The following ACER2 variants were observed in gnomAD, a reference collection of about 807,000 sequenced individuals.
The protein encoded by ACER2 is alkaline ceramidase 2.
In ACER2, 26 loss-of-function variants were observed where a neutral mutation model predicts 34.7. That is an observed-to-expected ratio of 0.75 (90% confidence interval 0.55 to 1.04). The LOEUF (loss-of-function observed/expected upper bound fraction) is 1.04. ACER2 is among the 50% of genes least tolerant of loss of function. The pLI is 0.00. For missense variants in ACER2, 352 were observed against 340.8 expected, an observed-to-expected ratio of 1.03 and a Z score of -0.26; for synonymous variants, 138 against 132.1, an observed-to-expected ratio of 1.04 and a Z score of -0.31.
At chr9:19,424,056 C>G in intron 2 of ACER2, 80 bp downstream of exon 2, 1 of 1,202,464 alleles carries the variant, frequency 8.3e-7, no homozygotes, top group Non-Finnish European at 1.2e-6. Context: ...CTTCCTCTCC[C>G]CTTTGAACAT....
chr9:19,423,827 T>C, intron 1 of ACER2, 35 bp from the exon 2 acceptor site: 2 of 1,540,056 alleles, frequency 1.3e-6, no homozygotes, highest in East Asian at 2.2e-5. Flanking sequence ...TTTTACTTAA[T>C]ACTCATCTTT....
intron 3 of ACER2, among the ~76,000 whole-genome samples, chr9:19,425,701 C>T (rs1287821362): frequency 6.6e-6 from 1 of 152,146 alleles, no homozygotes; most frequent in African/African-American, 2.4e-5. Context: ...TTCTGAGGAG[C>T]TGTGTGAGGT....
chr9:19,424,347 T>C (rs1225365418), intron 2 of ACER2: 4 of 982,734 alleles, frequency 4.1e-6, no homozygotes, highest in Non-Finnish European at 4.8e-6. Flanking sequence ...AATACTTGTG[T>C]CATTTCCATT....
intron 5 of ACER2, 53 bp downstream of exon 5, chr9:19,446,471 T>C (rs1217695037): frequency 1.2e-6 from 2 of 1,610,166 alleles, no homozygotes; most frequent in East Asian, 2.2e-5. Context: ...TTGCACTTGC[T>C]GTTGGGCTCT....
rs569351804 is a variant in ACER2, at chr9:19,436,770, A to G, written c.503+1686A>G. On this transcript the variant is annotated intron_variant, in intron 4 of 5. Coordinates refer to ENST00000340967, the MANE Select transcript of ACER2 (RefSeq NM_001010887.3). ...GTTTTTGACCATTTAGGTTGTTTCC[A>G]GTTTTTCATTATTAGAAATATCTCT... 3.3e-5 allele frequency among the ~76,000 whole-genome samples: 5 copies of G among 152,308 alleles called. No homozygotes were observed. In the South Asian group the frequency reaches 1.0e-3, roughly 32 times the overall value.
At position 19,428,078 on chromosome 9, in the gene ACER2, C is replaced by T. The variant is rs1037490266; in HGVS notation, c.365+3237C>T. On this transcript the variant is annotated intron_variant, in intron 3 of 5. Coordinates refer to ENST00000340967, the MANE Select transcript of ACER2 (RefSeq NM_001010887.3). ...CTTTCCTTTCCTTTCCTTTCCTTTCCTTCTCTCTCTCTCTCTCTTTCTTTC... is the reference window on the plus strand; with the variant it reads ...CTTTCCTTTCCTTTCCTTTCCTTTCTTTCTCTCTCTCTCTCTCTTTCTTTC... 3.4e-5 allele frequency among the ~76,000 whole-genome samples: 4 copies of T among 119,232 alleles called. No homozygotes were observed. The East Asian group carries it at 9.2e-4, about 28-fold the overall frequency. 78.2% of individuals were successfully genotyped at this position (119,232 alleles called of 152,430 possible).
chr9:19,433,650 G>A (rs1223670007), intron 3 of ACER2, among the ~76,000 whole-genome samples: 1 of 152,212 alleles, frequency 6.6e-6, no homozygotes, highest in Non-Finnish European at 1.5e-5. Context: ...ATCCTGGCCC[G>A]TTCTCAATGA....
intron 1 of ACER2, 138 bp downstream of exon 1, chr9:19,409,330 CCCT>C: frequency 1.3e-6 from 1 of 741,324 alleles, no homozygotes; most frequent in South Asian, 1.8e-5. Context: ...AGTCCACACC[CCCT>C]CCTCGGCGCG....
At chr9:19,444,738 C>G (rs1831294951) in intron 4 of ACER2, among the ~76,000 whole-genome samples, 1 of 152,126 alleles carries the variant, frequency 6.6e-6, no homozygotes, top group Non-Finnish European at 1.5e-5. Flanking sequence ...AGGGAACCAG[C>G]CCAAAGGCGA....
chr9:19,444,386 G>C (rs1174296480), intron 4 of ACER2, among the ~76,000 whole-genome samples: 1 of 151,758 alleles, frequency 6.6e-6, no homozygotes, highest in Non-Finnish European at 1.5e-5. Flanking sequence ...TAATTTTTTT[G>C]TATTTTTAGT....
chr9:19,415,517 T>TAAAC (rs1178511283), intron 1 of ACER2, among the ~76,000 whole-genome samples: 1 of 151,200 alleles, frequency 6.6e-6, no homozygotes, highest in Non-Finnish European at 1.5e-5. Context: ...AATAAATAAA[T>TAAAC]AAACAAATAA....
At chr9:19,424,118 C>G in intron 2 of ACER2, 142 bp downstream of exon 2, 2 of 835,282 alleles carry the variant, frequency 2.4e-6, no homozygotes, top group Non-Finnish European at 3.8e-6. Flanking sequence ...TTTTTTTTCC[C>G]ACTTGCTTGA....
chr9:19,436,036 G>A (rs895106259), intron 4 of ACER2, among the ~76,000 whole-genome samples: 3 of 151,978 alleles, frequency 2.0e-5, no homozygotes, highest in African/African-American at 7.3e-5. Context: ...GTGACAGAGC[G>A]AGACTCTATC....
At chr9:19,441,437 A>G (rs951432772) in intron 4 of ACER2, among the ~76,000 whole-genome samples, 1 of 152,140 alleles carries the variant, frequency 6.6e-6, no homozygotes, top group Non-Finnish European at 1.5e-5. Flanking sequence ...CTGTGAGCTG[A>G]TCACTCCCAC....
intron 4 of ACER2, among the ~76,000 whole-genome samples, chr9:19,440,624 A>T (rs557999327): frequency 5.9e-5 from 9 of 152,186 alleles, no homozygotes; most frequent in African/African-American, 2.2e-4. Context: ...TGAGAAACAA[A>T]TTTCTGTTTT....
intron 1 of ACER2, among the ~76,000 whole-genome samples, chr9:19,414,191 C>G (rs749505914): frequency 6.6e-5 from 10 of 152,140 alleles, no homozygotes; most frequent in Non-Finnish European, 1.3e-4. Flanking sequence ...CCCAAGCAAA[C>G]CACGACAGTT....
At chr9:19,414,845 C>CAAAAA (rs34308694) in intron 1 of ACER2, among the ~76,000 whole-genome samples, 1 of 111,892 alleles carries the variant, frequency 8.9e-6, no homozygotes, top group Non-Finnish European at 1.9e-5. Flanking sequence ...GACTCCGCCT[C>CAAAAA]AAAAAAAAAA....
At position 19,435,087 on chromosome 9, in the gene ACER2, A is replaced by G. The variant is rs781731985; in HGVS notation, c.503+3A>G. ...CTGCTCATCGCAGAGCTAAAGAGGT[A>G]GGTGCCATCATTCCTGCCTACCCTT... On this transcript the variant is annotated splice_donor_region_variant and intron_variant, in intron 4 of 5. Transcript: ENST00000340967. 1 of 1,614,068 alleles carries G rather than the reference A, an allele frequency of 6.2e-7. No homozygotes were observed. Among genetic ancestry groups the G allele is most frequent in the East Asian group, 2.2e-5 (1 of 44,874 alleles).
At chr9:19,434,368 G>A (rs1589054591) in intron 3 of ACER2, among the ~76,000 whole-genome samples, 1 of 152,186 alleles carries the variant, frequency 6.6e-6, no homozygotes, top group East Asian at 1.9e-4. Flanking sequence ...TCCCAGACGG[G>A]GTGGCGGCCG....
Sources: allele counts gnomAD v4.1 joint callset (sites outside exome capture counted in the v4.1 genomes callset), GRCh38; gene constraint gnomAD v4.1.1; transcripts MANE v1.5; gene names NCBI Gene and HGNC (gene_info 2026-07-23, HGNC 2026-07-21).